Variants in ADARB1 observed in about 807,000 individuals in gnomAD.
The protein encoded by ADARB1 is adenosine deaminase RNA specific B1.
ADARB1 carries 10 observed loss-of-function variants against 52.4 expected under a neutral mutation model. The ratio of observed to expected loss-of-function variants is 0.19; its 90% confidence interval spans 0.12 to 0.32. The LOEUF (loss-of-function observed/expected upper bound fraction) is 0.32, where lower values mean the gene tolerates loss of function less well. Among genes scored for constraint, ADARB1 ranks in the 10% least tolerant of loss-of-function variants. The pLI is 1.00. For synonymous variants in ADARB1, 349 were observed against 371.1 expected, an observed-to-expected ratio of 0.94 and a Z score of 0.68; for missense variants, 643 against 922.3, an observed-to-expected ratio of 0.70 and a Z score of 3.92.
At chr21:45,124,343 T>G (rs1018620103) in intron 1 of ADARB1, among the ~76,000 whole-genome samples, 1 of 151,970 alleles carries the variant, frequency 6.6e-6, no homozygotes, top group Non-Finnish European at 1.5e-5. Flanking sequence ...CATCCCTCCC[T>G]CCCTGCATTC....
chr21:45,138,984 A>G (rs1160642676), intron 2 of ADARB1, among the ~76,000 whole-genome samples: 1 of 151,288 alleles, frequency 6.6e-6, no homozygotes, highest in East Asian at 1.9e-4. Flanking sequence ...GCAGTGGCAC[A>G]ATCTTGGCTC....
chr21:45,103,068 C>T (rs2087095345), intron 1 of ADARB1, among the ~76,000 whole-genome samples: 1 of 152,180 alleles, frequency 6.6e-6, no homozygotes, highest in Non-Finnish European at 1.5e-5. Context: ...CAGACAGATC[C>T]CAGCTGAGGG....
rs2092996357 is a variant in ADARB1 at position 45,223,221 on chromosome 21, T to C, written c.*1024T>C. On this transcript the variant is annotated 3_prime_UTR_variant, in exon 11 of 11. Transcript: ENST00000348831. ...AGATACTCATTCTTGGAAAATGCCA[T>C]AGTTTTAAATTATTGTTTCCAGCTT... 12 of 985,282 alleles carry C rather than the reference T, an allele frequency of 1.2e-5. No individual in the cohort carries two copies. Among genetic ancestry groups the C allele is most frequent in the Non-Finnish European group, 1.4e-5 (12 of 829,892 alleles). The allele number at this position is 985,282 out of a possible 1,614,324, so 61.0% of individuals were successfully genotyped here.
intron 8 of ADARB1, among the ~76,000 whole-genome samples, chr21:45,194,224 TC>T (rs1357112582): frequency 1.3e-5 from 2 of 152,112 alleles, no homozygotes; most frequent in African/African-American, 2.4e-5. Context: ...ATGCACAGCC[TC>T]CCCATCATCA....
intron 2 of ADARB1, among the ~76,000 whole-genome samples, chr21:45,151,418 T>G (rs1057008651): frequency 6.6e-6 from 1 of 152,228 alleles, no homozygotes; most frequent in Non-Finnish European, 1.5e-5. Flanking sequence ...TGGATGTTGG[T>G]CATTATTAGG....
chr21:45,208,690 A>ATG lies in ADARB1; in HGVS notation c.1747+3963_1747+3964dup, dbSNP rs546182659. 6.6e-6 allele frequency among the ~76,000 whole-genome samples: 1 copy of ATG among 151,526 alleles called. No homozygotes were observed. The highest frequency in any genetic ancestry group is 2.1e-4 in the South Asian group (1 of 4,804). On this transcript the variant is annotated intron_variant, in intron 9 of 10. Coordinates refer to ENST00000348831, the MANE Select transcript of ADARB1 (RefSeq NM_001112.4). This position sits in a 1 kb window ranked among gnomAD's most constrained non-coding sequence, Gnocchi z 5.6. ...TGCGTGTGTGTATGAGTGTGTGTGCATGTGTGTGTGCACGCTCACATGAGT... is the reference window on the plus strand; with the variant it reads ...TGCGTGTGTGTATGAGTGTGTGTGCATGTGTGTGTGTGCACGCTCACATGAGT...
chr21:45,196,030 G>A (rs1407967775), intron 8 of ADARB1, among the ~76,000 whole-genome samples: 1 of 151,992 alleles, frequency 6.6e-6, no homozygotes, highest in African/African-American at 2.4e-5. Context: ...CCATAAATAT[G>A]GAATATCCAT....
rs1486027562 is a variant in ADARB1, at chr21:45,225,181, G to A, written c.*2984G>A. On this transcript the variant is annotated 3_prime_UTR_variant, in exon 11 of 11. Transcript: ENST00000348831. ...CTCTGCCAGGGACAGAGTCCTGCTA[G>A]TGGGAGGTCTCAGGTGGGGCGGTGT... 9.6e-7 allele frequency: 1 copy of A among 1,041,368 alleles called. No homozygotes were observed. The highest frequency in any genetic ancestry group is 5.6e-5 in the Admixed American group (1 of 17,870). 64.5% of individuals were successfully genotyped at this position (1,041,368 alleles called of 1,614,324 possible). A position where few individuals can be genotyped will look rare whatever the true frequency, so the allele number is the denominator to read the frequency against.
rs150842800 is a variant in ADARB1, at chr21:45,223,585, T to TC, written c.*1390dup. On this transcript the variant is annotated 3_prime_UTR_variant, in exon 11 of 11. Coordinates refer to ENST00000348831, the MANE Select transcript of ADARB1 (RefSeq NM_001112.4). ...GCTCTAGAGGGTGTTCAGGTGGGTC[T>TC]CCTGGGGCCATGGGGAGAGATTGGT... The TC allele has an allele frequency of 1.0e-6, 1 of 985,718 alleles. No homozygotes were observed. Among genetic ancestry groups the TC allele is most frequent in the East Asian group, 1.1e-4 (1 of 8,828 alleles). 61.1% of individuals were successfully genotyped at this position (985,718 alleles called of 1,614,324 possible). A position where few individuals can be genotyped will look rare whatever the true frequency, so the allele number is the denominator to read the frequency against.
At chr21:45,125,832 G>A (rs1431891902) in intron 1 of ADARB1, among the ~76,000 whole-genome samples, 1 of 152,176 alleles carries the variant, frequency 6.6e-6, no homozygotes, top group East Asian at 1.9e-4. Flanking sequence ...ATTAATACAG[G>A]TTGAATTTCT....
rs1426808004 is a variant in ADARB1, at chr21:45,208,729, A to T, written c.1747+3993A>T. ...GCTCACATGAGTGTATGAGAGAGAGAGTGTGTGTGTGTGTGTATGCGTATT... is the reference window on the plus strand; with the variant it reads ...GCTCACATGAGTGTATGAGAGAGAGTGTGTGTGTGTGTGTGTATGCGTATT... On this transcript the variant is annotated intron_variant, in intron 9 of 10. Coordinates refer to ENST00000348831, the MANE Select transcript of ADARB1 (RefSeq NM_001112.4). The surrounding 1 kb of genome is among the most constrained non-coding windows in gnomAD (Gnocchi z 5.6). 1.3e-5 allele frequency among the ~76,000 whole-genome samples: 2 copies of T among 149,430 alleles called. No homozygotes were observed. The highest frequency in any genetic ancestry group is 2.0e-4 in the East Asian group (1 of 5,116).
intron 1 of ADARB1, among the ~76,000 whole-genome samples, chr21:45,110,917 C>G (rs545332144): frequency 6.6e-6 from 1 of 152,166 alleles, no homozygotes; most frequent in Non-Finnish European, 1.5e-5. Context: ...ACACTCATCC[C>G]TTTCCCATTC....
At chr21:45,198,918 A>T (rs1182747764) in intron 8 of ADARB1, among the ~76,000 whole-genome samples, 1 of 152,130 alleles carries the variant, frequency 6.6e-6, no homozygotes, top group African/African-American at 2.4e-5. Flanking sequence ...TAAAAATCTT[A>T]TTTTTTCATA....
At position 45,158,886 on chromosome 21, in the gene ADARB1, G is replaced by T. The variant is rs2090810960; in HGVS notation, c.-47-12724G>T. Among the ~76,000 whole-genome samples the T allele has an allele frequency of 2.0e-5, 3 of 152,302 alleles. No individual in the cohort carries two copies. The South Asian group carries it at 6.2e-4, about 32-fold the overall frequency. Reference sequence around the variant, plus strand: ...TGCAGAGACAGCTTGTGGTGGGTTGGAGTGTGACTCAGTCTCCCGTGGGTC... The same window carrying T: ...TGCAGAGACAGCTTGTGGTGGGTTGTAGTGTGACTCAGTCTCCCGTGGGTC... On this transcript the variant is annotated intron_variant, in intron 2 of 10. Coordinates refer to ENST00000348831, the MANE Select transcript of ADARB1 (RefSeq NM_001112.4).
chr21:45,141,251 T>G (rs2089708448), intron 2 of ADARB1, among the ~76,000 whole-genome samples: 1 of 152,178 alleles, frequency 6.6e-6, no homozygotes, highest in East Asian at 1.9e-4. Context: ...ATTTTATGAT[T>G]CTATTGTTTT....
intron 1 of ADARB1, among the ~76,000 whole-genome samples, chr21:45,123,000 A>G (rs573579039): frequency 1.2e-3 from 178 of 152,242 alleles, no homozygotes; most frequent in African/African-American, 3.9e-3. Flanking sequence ...TACAGCAGCT[A>G]CTTGGTCCCA....
At chr21:45,199,674 A>G (rs2092507128) in intron 8 of ADARB1, among the ~76,000 whole-genome samples, 1 of 152,238 alleles carries the variant, frequency 6.6e-6, no homozygotes, top group African/African-American at 2.4e-5. Context: ...TTATAAAGAA[A>G]AGTGAATAAA....
intron 5 of ADARB1, chr21:45,181,371 C>T (rs923508356): frequency 1.3e-5 from 2 of 152,536 alleles, no homozygotes; most frequent in African/African-American, 4.8e-5. Context: ...CGTGCCGTGT[C>T]CAGGGAGGAG....
intron 1 of ADARB1, among the ~76,000 whole-genome samples, chr21:45,104,659 C>T (rs1302753639): frequency 6.6e-6 from 1 of 152,216 alleles, no homozygotes; most frequent in African/African-American, 2.4e-5. Flanking sequence ...CATAGCATTG[C>T]TGGGCCCCTG....
Sources: gnomAD v4.1 joint callset for allele counts (sites outside exome capture counted in the v4.1 genomes callset) on GRCh38, gnomAD v4.1.1 for gene constraint, Gnocchi (gnomAD v3.1) non-coding constraint, MANE v1.5 for transcripts, NCBI Gene and HGNC (gene_info 2026-07-23, HGNC 2026-07-21) for gene names.